Variants in ABCC8 observed in about 807,000 individuals in gnomAD.
The protein encoded by ABCC8 is ATP binding cassette subfamily C member 8.
In ABCC8, 137 loss-of-function variants were observed where a neutral mutation model predicts 188.0. That is an observed-to-expected ratio of 0.73 (90% CI 0.63 to 0.84). The LOEUF (loss-of-function observed/expected upper bound fraction) is 0.84, where lower values mean the gene tolerates loss of function less well. ABCC8 is among the 40% of genes least tolerant of loss of function. The pLI is 0.00. For missense variants in ABCC8, 1,750 were observed against 2,072.7 expected, an observed-to-expected ratio of 0.84 and a Z score of 3.02; for synonymous variants, 797 against 846.5, an observed-to-expected ratio of 0.94 and a Z score of 1.01.
chr11:17,470,290 T>C, intron 2 of ABCC8, 68 bp from the exon 3 acceptor site: 1 of 1,608,822 alleles, frequency 6.2e-7, no homozygotes, highest in Middle Eastern at 2.0e-4. Context: ...AGCCCAGGCC[T>C]TGAATTTCAA....
At position 17,442,834 on chromosome 11, in the gene ABCC8, T is replaced by G. The variant is rs750995882; in HGVS notation, c.1516A>C (p.Ile506Leu). The G allele has an allele frequency of 1.9e-6, 3 of 1,614,096 alleles. No homozygotes were observed. Among genetic ancestry groups the G allele is most frequent in the Non-Finnish European group, 2.5e-6 (3 of 1,180,024 alleles). Residue 506 changes from isoleucine to leucine, a missense_variant, in exon 10 of 39, where the codon ATC (isoleucine) becomes CTC (leucine). Transcript: ENST00000389817. ...CAGGCGTACAGCTTCAGCAGCTTGA[T>G]GCCGCGGAGCATCTCGTTGGTCTGC... ...LKQTNEMLRG[I>L]KLLKLYAWEN... is the part of the protein sequence containing the mutation.
chr11:17,399,852 T>C (rs926586350), intron 29 of ABCC8, among the ~76,000 whole-genome samples: 2 of 152,206 alleles, frequency 1.3e-5, no homozygotes, highest in African/African-American at 4.8e-5. Context: ...TTTCTCATCC[T>C]TAGGTCCTCA....
rs1954471512 is a variant in ABCC8, at chr11:17,405,480, A to AC, written c.3399+13dup. Reference sequence around the variant, plus strand: ...TCTCTGGAAGGGGGGATAGTGTGGCACGGTCCTCTGTACCTGGTCGATGGT... The same window carrying AC: ...TCTCTGGAAGGGGGGATAGTGTGGCACCGGTCCTCTGTACCTGGTCGATGGT... On this transcript the variant is annotated intron_variant, in intron 27 of 38. Transcript: ENST00000389817. 21 of 1,614,194 alleles carry AC rather than the reference A, an allele frequency of 1.3e-5. No homozygotes were observed. The highest frequency in any genetic ancestry group is 1.7e-5 in the Non-Finnish European group (20 of 1,180,018).
chr11:17,463,409 C>A, intron 4 of ABCC8, 29 bp downstream of exon 4: 1 of 1,573,976 alleles, frequency 6.4e-7, no homozygotes, highest in Admixed American at 1.8e-5. Flanking sequence ...CTGCTTCCCA[C>A]CCCACCCTGG....
intron 10 of ABCC8, among the ~76,000 whole-genome samples, chr11:17,441,109 G>T (rs1956300230): frequency 6.6e-6 from 1 of 152,134 alleles, no homozygotes; most frequent in Non-Finnish European, 1.5e-5. Context: ...TGGAGGAGGT[G>T]GTCGGTAGCC....
intron 2 of ABCC8, 200 bp from the exon 3 acceptor site, chr11:17,470,422 A>T (rs1003177311): frequency 4.8e-5 from 17 of 357,606 alleles, no homozygotes; most frequent in African/African-American, 3.8e-4. Context: ...TGGGTATATG[A>T]TCTGGAGGCC....
intron 12 of ABCC8, chr11:17,430,471 T>C (rs1002053740): frequency 1.3e-5 from 5 of 378,708 alleles, no homozygotes; most frequent in African/African-American, 1.0e-4. Flanking sequence ...GATGGCCTCA[T>C]TCTTGGTGGC....
chr11:17,435,532 C>T (rs1291801832), intron 10 of ABCC8: 36 of 1,152,354 alleles, frequency 3.1e-5, no homozygotes, highest in Non-Finnish European at 4.1e-5. Context: ...AGGTACTCTA[C>T]TGCTCCAAGG....
chr11:17,416,900 C>A (rs1379880088), intron 17 of ABCC8, 30 bp downstream of exon 17: 7 of 1,589,370 alleles, frequency 4.4e-6, no homozygotes, highest in African/African-American at 2.7e-5. Context: ...TTTGTTGAGA[C>A]CCACTTCTGA....
At chr11:17,395,317 T>C in intron 35 of ABCC8, 42 bp from the exon 36 acceptor site, 1 of 1,553,714 alleles carries the variant, frequency 6.4e-7, no homozygotes, top group Non-Finnish European at 8.7e-7. Context: ...GGGAGCAGGG[T>C]CCTGCCTGCA....
intron 6 of ABCC8, among the ~76,000 whole-genome samples, chr11:17,457,420 G>T (rs937779352): frequency 6.6e-6 from 1 of 152,156 alleles, no homozygotes; most frequent in Admixed American, 6.5e-5. Flanking sequence ...AGACTTAGAG[G>T]CTGTTTGAAG....
chr11:17,461,940 G>T, intron 4 of ABCC8, 115 bp from the exon 5 acceptor site: 1 of 1,521,216 alleles, frequency 6.6e-7, no homozygotes, highest in East Asian at 2.3e-5. Flanking sequence ...TAACAGATGG[G>T]GCCATCTTTC....
rs1048099 is a variant in ABCC8 at position 17,474,969 on chromosome 11, A to T, written c.207T>A (p.Pro69=). The T allele has an allele frequency of 1.2e-6, 2 of 1,613,828 alleles. No homozygotes were observed. The highest frequency in any genetic ancestry group is 2.7e-5 in the African/African-American group (2 of 74,846). Residue 69 remains proline, a synonymous_variant, in exon 2 of 39, where the codon CCT becomes CCA. Coordinates refer to ENST00000389817, the MANE Select transcript of ABCC8 (RefSeq NM_000352.6). ...TCAGGATCCACCGCAGGTTGTGCCC[A>T]GGGAAATGAAGCCATGTGCTGTGGT... ...HIHHSTWLHF[P]GHNLRWILTF... is the part of the protein sequence containing the mutation.
chr11:17,412,773 A>G (rs1033137995), intron 20 of ABCC8, 27 bp from the exon 21 acceptor site: 15 of 1,594,140 alleles, frequency 9.4e-6, no homozygotes, highest in Middle Eastern at 3.3e-4. Context: ...GGAACACATC[A>G]TGCCCTCAGC....
At chr11:17,394,906 A>T (rs539364854) in intron 36 of ABCC8, among the ~76,000 whole-genome samples, 40 of 151,854 alleles carry the variant, frequency 2.6e-4, no homozygotes, top group East Asian at 1.9e-4. Context: ...GGCATGGGGG[A>T]CTCGCAATCT....
rs750728142 is a variant in ABCC8, at chr11:17,407,015, A to G, written c.3035T>C (p.Leu1012Pro). The change falls in exon 25 of 39, where the codon CTG becomes CCG. Residue 1012 changes from leucine (L) to proline (P), a missense_variant. Physicochemically the swap from Leu to Pro is moderately conservative, Grantham distance 98. Transcript: ENST00000389817. Reference sequence around the variant, plus strand: ...CAGCTGTGAGAAGACCAGCAACGACAGGAGCAGGATGCCGGCGGAGGACAG... The same window carrying G: ...CAGCTGTGAGAAGACCAGCAACGACGGGAGCAGGATGCCGGCGGAGGACAG... ...KYLSSAGILL[L>P]SLLVFSQLLK... 2 of 1,614,216 alleles carry G rather than the reference A, an allele frequency of 1.2e-6. No homozygotes were observed. The highest frequency in any genetic ancestry group is 1.3e-5 in the African/African-American group (1 of 75,068).
chr11:17,410,528 G>C lies in ABCC8; in HGVS notation c.2682C>G (p.Pro894=), dbSNP rs1954758863. Residue 894 remains proline (P), a synonymous_variant, in exon 22 of 39, where the codon CCC becomes CCG. Transcript: ENST00000389817. ...TGTTCCCCCTCACCCAGTCTGCATG[G>C]GGCAGGTACTGTAGCTTGTGGGTCA... ...VLVTHKLQYL[P]HADWIIAMKD... 1 of 1,614,000 alleles carries C rather than the reference G, an allele frequency of 6.2e-7. No homozygotes were observed. Among genetic ancestry groups the C allele is most frequent in the Non-Finnish European group, 8.5e-7 (1 of 1,180,028 alleles).
rs1048093 is a variant in ABCC8 at position 17,461,637 on chromosome 11, G to A, written c.768C>T (p.Ala256=). The A allele has an allele frequency of 6.2e-7, 1 of 1,614,254 alleles. No individual in the cohort carries two copies. Among genetic ancestry groups the A allele is most frequent in the Non-Finnish European group, 8.5e-7 (1 of 1,180,048 alleles). The change falls in exon 5 of 39, where the codon GCC becomes GCT. Residue 256 remains alanine, a synonymous_variant. Transcript: ENST00000389817. The part of the protein sequence containing the change: ...DLRAIGKLPI[A]MRALTNYQRL... ...GTTGGTAGTTGGTGAGGGCCCTCAT[G>A]GCGATGGGCAGCTTCCCGATGGCTC...
chr11:17,407,085 G>A lies in ABCC8; in HGVS notation c.2965C>T (p.Leu989=). 1 of 1,613,818 alleles carries A rather than the reference G, an allele frequency of 6.2e-7. No homozygotes were observed. The highest frequency in any genetic ancestry group is 8.5e-7 in the Non-Finnish European group (1 of 1,180,038). The change falls in exon 25 of 39, where the codon CTG becomes TTG. Residue 989 remains leucine (L), a synonymous_variant. Coordinates refer to ENST00000389817, the MANE Select transcript of ABCC8 (RefSeq NM_000352.6). ...SEEDDNLSSM[L]HQRAEIPWRA... ...CATGGGATCTCAGCACGCTGGTGCA[G>A]CATGGACGACAGGTTGTCATCCTCC...
Sources: gnomAD v4.1 joint callset for allele counts (sites outside exome capture counted in the v4.1 genomes callset) on GRCh38, gnomAD v4.1.1 for gene constraint, MANE v1.5 for transcripts, NCBI Gene and HGNC (gene_info 2026-07-23, HGNC 2026-07-21) for gene names.